EBF3: variants seen among roughly 807,000 people sequenced by gnomAD.
The protein encoded by EBF3 is transcription factor COE3.
A neutral mutation model predicts 77.1 loss-of-function variants in EBF3; 18 were observed. That is an observed-to-expected ratio of 0.23 (90% CI 0.16 to 0.35). The LOEUF is 0.35. EBF3 is among the 10% of genes least tolerant of loss of function. The pLI is 1.00. For synonymous variants in EBF3, 350 were observed against 343.5 expected (o/e 1.02, Z -0.21); for missense variants, 558 against 860.0 (o/e 0.65, Z 4.39).
chr10:129,920,628 G>A (rs180778814), intron 6 of EBF3, among the ~76,000 whole-genome samples: 1 of 152,246 alleles, frequency 6.6e-6, no homozygotes, highest in Non-Finnish European at 1.5e-5. Flanking sequence ...GAATAGAAAG[G>A]AAGACATGAC....
chr10:129,908,628 G>A (rs1339621592), intron 6 of EBF3, among the ~76,000 whole-genome samples: 5 of 152,214 alleles, frequency 3.3e-5, no homozygotes, highest in Non-Finnish European at 7.3e-5. Context: ...AGCCACCGCC[G>A]CTGGCCCAGC....
chr10:129,941,164 A>G (rs1334762645), intron 6 of EBF3, among the ~76,000 whole-genome samples: 1 of 152,248 alleles, frequency 6.6e-6, no homozygotes, highest in Admixed American at 6.5e-5. Context: ...AGATTGAGAT[A>G]AATAACCACT....
At chr10:129,956,337 C>T (rs747388145) in intron 6 of EBF3, among the ~76,000 whole-genome samples, 2 of 152,222 alleles carry the variant, frequency 1.3e-5, no homozygotes, top group Non-Finnish European at 2.9e-5. Flanking sequence ...AAACTGGTGT[C>T]ATATGTACAC....
chr10:129,866,647 G>GACC (rs1190836511), intron 10 of EBF3, among the ~76,000 whole-genome samples: 1 of 152,214 alleles, frequency 6.6e-6, no homozygotes, highest in Non-Finnish European at 1.5e-5. Context: ...GAGCAAGAAA[G>GACC]ACCAGGCTTA....
At chr10:129,896,907 A>G (rs1854433054) in intron 6 of EBF3, among the ~76,000 whole-genome samples, 1 of 151,988 alleles carries the variant, frequency 6.6e-6, no homozygotes, top group Non-Finnish European at 1.5e-5. Flanking sequence ...CCACGCCGCC[A>G]CCCCAGGCCT....
At chr10:129,905,304 C>G (rs1855064753) in intron 6 of EBF3, among the ~76,000 whole-genome samples, 1 of 152,154 alleles carries the variant, frequency 6.6e-6, no homozygotes, top group Non-Finnish European at 1.5e-5. Flanking sequence ...GTCCAATACA[C>G]CAGATTCCCA....
chr10:129,921,868 C>T (rs1856337648), intron 6 of EBF3, among the ~76,000 whole-genome samples: 1 of 152,186 alleles, frequency 6.6e-6, no homozygotes, highest in South Asian at 2.1e-4. Flanking sequence ...CCACACCTGC[C>T]GTCCCATCCC....
intron 6 of EBF3, among the ~76,000 whole-genome samples, chr10:129,950,055 G>GGGC (rs1858551542): frequency 6.6e-6 from 1 of 150,590 alleles, no homozygotes; most frequent in Non-Finnish European, 1.5e-5. Context: ...GCGGAGGCAG[G>GGGC]GGCGGCGGCT....
intron 6 of EBF3, among the ~76,000 whole-genome samples, chr10:129,915,493 CACACAA>C (rs546138992): frequency 0.048 from 4,957 of 103,904 alleles, 187 homozygotes; most frequent in African/African-American, 0.13. Context: ...CACACACACA[CACACAA>C]AAAAGCCAAG....
chr10:129,867,705 A>C, intron 9 of EBF3, 77 bp downstream of exon 9: 2 of 1,586,732 alleles, frequency 1.3e-6, no homozygotes, highest in Non-Finnish European at 1.7e-6. Context: ...ACCTTGTGTC[A>C]ATACACTATT....
rs1853074460 is a variant in EBF3 at position 129,879,899 on chromosome 10, T to TACACC, written c.555-2055_555-2051dup. Among the ~76,000 whole-genome samples, 1 of 152,126 alleles carries TACACC rather than the reference T, an allele frequency of 6.6e-6. No homozygotes were observed. The highest frequency in any genetic ancestry group is 2.1e-4 in the South Asian group (1 of 4,816). On this transcript the variant is annotated intron_variant, in intron 6 of 16. Transcript: ENST00000440978. This position sits in a 1 kb window ranked among gnomAD's most constrained non-coding sequence, Gnocchi z 4.7. ...TTCGGGGACAGCAACACGGTGCAAT[T>TACACC]ACACCACACATTACCACCCAGCTAA...
chr10:129,888,958 G>A (rs748388758), intron 6 of EBF3, among the ~76,000 whole-genome samples: 4 of 152,196 alleles, frequency 2.6e-5, no homozygotes, highest in Non-Finnish European at 4.4e-5. Flanking sequence ...AGATGGTGGC[G>A]GCGCACAGGC....
chr10:129,927,138 G>A (rs1489836773), intron 6 of EBF3, among the ~76,000 whole-genome samples: 2 of 152,136 alleles, frequency 1.3e-5, no homozygotes, highest in Non-Finnish European at 2.9e-5. Context: ...CCTGAGAAGC[G>A]ACACAACCGA....
intron 15 of EBF3, 41 bp from the exon 16 acceptor site, chr10:129,839,236 G>T: frequency 2.1e-6 from 2 of 957,774 alleles, no homozygotes; most frequent in Non-Finnish European, 3.0e-6. Context: ...GGTTGAATGG[G>T]TTCATGTTTC....
intron 10 of EBF3, among the ~76,000 whole-genome samples, chr10:129,852,975 G>A (rs998634288): frequency 6.6e-6 from 1 of 152,186 alleles, no homozygotes; most frequent in Admixed American, 6.5e-5. Context: ...GTCCCCCCAA[G>A]GCCTGGAGGC....
At chr10:129,917,231 T>C (rs1855939957) in intron 6 of EBF3, among the ~76,000 whole-genome samples, 1 of 152,000 alleles carries the variant, frequency 6.6e-6, no homozygotes, top group Admixed American at 6.5e-5. Flanking sequence ...TAGCTGGGCG[T>C]GGTGGCACAC....
At chr10:129,859,642 G>A (rs1409704846) in intron 10 of EBF3, among the ~76,000 whole-genome samples, 2 of 152,234 alleles carry the variant, frequency 1.3e-5, no homozygotes, top group African/African-American at 4.8e-5. Context: ...TAGAGCCAAC[G>A]TGCACAGACA....
Position 129,963,105 on chromosome 10 carries a change from T to G in EBF3, c.292-100A>C. The G allele has an allele frequency of 6.9e-7, 1 of 1,448,130 alleles. No homozygotes were observed. Among genetic ancestry groups the G allele is most frequent in the East Asian group, 2.3e-5 (1 of 43,920 alleles). 89.7% of individuals were successfully genotyped at this position (1,448,130 alleles called of 1,614,324 possible). A position where few individuals can be genotyped will look rare whatever the true frequency, so the allele number is the denominator to read the frequency against. On this transcript the variant is annotated intron_variant, in intron 2 of 16. Coordinates refer to ENST00000440978, the MANE Select transcript of EBF3 (RefSeq NM_001375380.1). This position sits in a 1 kb window ranked among gnomAD's most constrained non-coding sequence, Gnocchi z 7.1. ...CGACCGAGGCTCTCGGCCTCACACA[T>G]GGCAGGATTCCTAGCTCGAAGCAGC...
At chr10:129,909,430 T>C (rs973549277) in intron 6 of EBF3, among the ~76,000 whole-genome samples, 4 of 152,192 alleles carry the variant, frequency 2.6e-5, no homozygotes, top group African/African-American at 7.2e-5. Context: ...GCTGGAAAAG[T>C]AGATGGCCCT....
Sources: gnomAD v4.1 joint callset for allele counts (sites outside exome capture counted in the v4.1 genomes callset) on GRCh38, gnomAD v4.1.1 for gene constraint, Gnocchi (gnomAD v3.1) non-coding constraint, MANE v1.5 for transcripts, NCBI Gene and HGNC (gene_info 2026-07-23, HGNC 2026-07-21) for gene names.